Variants in TNS3 observed in about 807,000 individuals in gnomAD.
The protein encoded by TNS3 is tensin-3.
A neutral mutation model predicts 140.9 loss-of-function variants in TNS3; 45 were observed. The ratio of observed to expected loss-of-function variants is 0.32; its 90% CI spans 0.25 to 0.41. The LOEUF is 0.41. TNS3 is among the 10% of genes least tolerant of loss of function. TNS3 has a pLI of 1.00. For synonymous variants in TNS3, 815 were observed against 788.4 expected (o/e 1.03, Z -0.56); for missense variants, 1,716 against 1,906.7 (o/e 0.90, Z 1.86).
rs1220391720 is a variant in TNS3, at chr7:47,303,270, C to T, written c.3137G>A (p.Gly1046Glu). 6.2e-7 allele frequency: 1 copy of T among 1,613,648 alleles called. No individual in the cohort carries two copies. The highest frequency in any genetic ancestry group is 8.5e-7 in the Non-Finnish European group (1 of 1,179,944). Residue 1046 changes from glycine (G) to glutamate (E), a missense_variant, in exon 22 of 31, where the codon GGA (glycine) becomes GAA (glutamate). Physicochemically the swap from Gly to Glu is moderately conservative, Grantham distance 98 (BLOSUM62 -2). Coordinates refer to ENST00000311160, the MANE Select transcript of TNS3 (RefSeq NM_022748.12). The stretch of plus-strand genomic sequence containing the variant: ...CGGGATGCTGGGGGTCGGTGACGCT[C>T]CATGAGAATTGGCCAGCAAGGCCCC... ...DLGALLANSH[G>E]ASPTPSIPLT...
At chr7:47,530,838 A>AAAAAATATATATATATATATATATAT in intron 1 of TNS3, among the ~76,000 whole-genome samples, 1 of 54,566 alleles carries the variant, frequency 1.8e-5, no homozygotes, top group African/African-American at 7.9e-5. Flanking sequence ...AAAAAAAAAA[A>AAAAAATATATATATATATATATATAT]ATATATATAT....
chr7:47,483,902 C>G (rs906729887), intron 3 of TNS3, among the ~76,000 whole-genome samples: 1 of 152,252 alleles, frequency 6.6e-6, no homozygotes, highest in Non-Finnish European at 1.5e-5. Flanking sequence ...CTTCTCCTGC[C>G]AGGACTTCAC....
chr7:47,478,984 C>CT (rs1797309757), intron 4 of TNS3, among the ~76,000 whole-genome samples: 1 of 152,000 alleles, frequency 6.6e-6, no homozygotes. Flanking sequence ...TGGGCAGGAG[C>CT]CAGGCTGGGC....
chr7:47,327,377 C>T (rs1319129907), intron 20 of TNS3, among the ~76,000 whole-genome samples: 1 of 152,204 alleles, frequency 6.6e-6, no homozygotes, highest in African/African-American at 2.4e-5. Context: ...AGCGCCTGAT[C>T]CTAACGCTTG....
intron 8 of TNS3, among the ~76,000 whole-genome samples, chr7:47,433,883 ATCTCTC>A (rs55743320): frequency 0.43 from 64,752 of 149,156 alleles, 14,100 homozygotes; most frequent in East Asian, 0.53. Flanking sequence ...CCGTCTGTCT[ATCTCTC>A]TCTCTCTCTC....
At chr7:47,348,630 A>G (rs142117226) in intron 17 of TNS3, among the ~76,000 whole-genome samples, 365 of 152,368 alleles carry the variant, frequency 2.4e-3, no homozygotes, top group Middle Eastern at 6.8e-3. Context: ...AAAATATCAC[A>G]CTGTGCCCCA....
At chr7:47,369,649 T>C in intron 16 of TNS3, 28 bp from the exon 17 acceptor site, 2 of 1,527,474 alleles carry the variant, frequency 1.3e-6, no homozygotes, top group South Asian at 2.6e-5. Flanking sequence ...GGAGAGAGGC[T>C]TTCAGTCAGG....
At chr7:47,433,909 CTCTCT>C (rs1472745144) in intron 8 of TNS3, among the ~76,000 whole-genome samples, 7 of 148,944 alleles carry the variant, frequency 4.7e-5, no homozygotes, top group African/African-American at 1.8e-4. Context: ...CTCTCTCTCT[CTCTCT>C]CTCTCTCTTA....
chr7:47,435,523 G>T, intron 7 of TNS3, 119 bp from the exon 8 acceptor site: 1 of 1,441,440 alleles, frequency 6.9e-7, no homozygotes, highest in Admixed American at 1.8e-5. Context: ...CATGCTGGGT[G>T]ACCCTTTCCT....
intron 12 of TNS3, among the ~76,000 whole-genome samples, chr7:47,413,415 T>A (rs549527068): frequency 8.1e-4 from 123 of 151,730 alleles, no homozygotes; most frequent in Non-Finnish European, 4.6e-4. Flanking sequence ...CAAGACTGGC[T>A]AATTTTTGTA....
intron 4 of TNS3, among the ~76,000 whole-genome samples, chr7:47,473,939 A>G (rs761163564): frequency 2.4e-4 from 36 of 152,292 alleles, no homozygotes; most frequent in Non-Finnish European, 4.6e-4. Context: ...GAAAGAATCA[A>G]ATAGCTTCAT....
chr7:47,554,757 A>G (rs1339364437), intron 1 of TNS3, among the ~76,000 whole-genome samples: 1 of 152,216 alleles, frequency 6.6e-6, no homozygotes, highest in African/African-American at 2.4e-5. Flanking sequence ...CGGGCCGAGC[A>G]CGGTGGTTCA....
chr7:47,565,056 C>T (rs1800399504), intron 1 of TNS3, among the ~76,000 whole-genome samples: 1 of 151,928 alleles, frequency 6.6e-6, no homozygotes, highest in Non-Finnish European at 1.5e-5. Flanking sequence ...ACACTGGCCT[C>T]CAGAAATGTT....
intron 16 of TNS3, among the ~76,000 whole-genome samples, chr7:47,376,984 A>G (rs1341554376): frequency 6.6e-6 from 1 of 152,086 alleles, no homozygotes; most frequent in East Asian, 1.9e-4. Flanking sequence ...CCACACACCC[A>G]TGGTACCAGC....
At position 47,278,065 on chromosome 7, in the gene TNS3, G is replaced by A. The variant is rs759332873; in HGVS notation, c.*11C>T. The stretch of plus-strand genomic sequence containing the variant: ...AGAGGCATCGGTGGGTCCAGGGAGG[G>A]AGGGGAGTTCTCAGACCTTCTTTGG... On this transcript the variant is annotated 3_prime_UTR_variant, in exon 31 of 31. Coordinates refer to ENST00000311160, the MANE Select transcript of TNS3 (RefSeq NM_022748.12). 2.5e-5 allele frequency: 41 copies of A among 1,613,890 alleles called. No individual in the cohort carries two copies. Among genetic ancestry groups the A allele is most frequent in the Middle Eastern group, 1.6e-4 (1 of 6,084 alleles).
At position 47,446,865 on chromosome 7, in the gene TNS3, G is replaced by GTT. The variant is rs58375628; in HGVS notation, c.-75-4812_-75-4811dup. On this transcript the variant is annotated intron_variant, in intron 4 of 30. Coordinates refer to ENST00000311160, the MANE Select transcript of TNS3 (RefSeq NM_022748.12). ...GTACCACCAAATACGGCTAATTTTTGTTTTTTTTTTGTAGAGATGGGGGTC... is the reference window on the plus strand; with the variant it reads ...GTACCACCAAATACGGCTAATTTTTGTTTTTTTTTTTTGTAGAGATGGGGGTC... Among the ~76,000 whole-genome samples, 306 of 147,178 alleles carry GTT rather than the reference G, an allele frequency of 2.1e-3. 5 individuals carry two copies. Among genetic ancestry groups the GTT allele is most frequent in the East Asian group, 0.019 (93 of 4,980 alleles).
At chr7:47,495,049 G>A (rs753311667) in intron 3 of TNS3, among the ~76,000 whole-genome samples, 5 of 151,922 alleles carry the variant, frequency 3.3e-5, no homozygotes, top group Non-Finnish European at 5.9e-5. Context: ...GATTAGAAAC[G>A]TTCTTCTCCC....
intron 23 of TNS3, among the ~76,000 whole-genome samples, chr7:47,298,085 C>T (rs1432553838): frequency 1.3e-5 from 2 of 152,184 alleles, no homozygotes; most frequent in African/African-American, 2.4e-5. Context: ...TGCGCCTGGC[C>T]AGGAAAGAAG....
At chr7:47,387,236 G>A (rs1430658366) in intron 16 of TNS3, among the ~76,000 whole-genome samples, 1 of 152,208 alleles carries the variant, frequency 6.6e-6, no homozygotes, top group Non-Finnish European at 1.5e-5. Flanking sequence ...AACAGAAAAA[G>A]ATCAAGGTGG....
Sources: allele counts gnomAD v4.1 joint callset (sites outside exome capture counted in the v4.1 genomes callset), GRCh38; gene constraint gnomAD v4.1.1; transcripts MANE v1.5; gene names NCBI Gene and HGNC (gene_info 2026-07-23, HGNC 2026-07-21).